Variants in MTRES1 observed in about 807,000 individuals in gnomAD.
MTRES1 encodes mitochondrial transcription rescue factor 1, also known as uncharacterized protein C6orf203.
A neutral mutation model predicts 17.4 loss-of-function variants in MTRES1; 11 were observed. That is an observed-to-expected ratio of 0.63 (90% CI 0.40 to 1.05). The LOEUF is 1.05. Among genes scored for constraint, MTRES1 ranks in the 50% least tolerant of loss-of-function variants. The pLI is 0.00. For missense variants in MTRES1, 268 were observed against 276.2 expected (o/e 0.97, Z 0.21); for synonymous variants, 94 against 99.6 (o/e 0.94, Z 0.34).
intron 1 of MTRES1, among the ~76,000 whole-genome samples, chr6:107,034,373 T>C (rs1773937742): frequency 6.6e-6 from 1 of 152,114 alleles, no homozygotes; most frequent in Admixed American, 6.6e-5. Flanking sequence ...ATTTTCTAAG[T>C]TGGGGCAACA....
intron 3 of MTRES1, among the ~76,000 whole-genome samples, chr6:107,050,693 C>T (rs1218317362): frequency 6.6e-6 from 1 of 151,892 alleles, no homozygotes; most frequent in African/African-American, 2.4e-5. Context: ...TCTCCTGCCA[C>T]AGCCTTCCGA....
intron 1 of MTRES1, among the ~76,000 whole-genome samples, chr6:107,034,697 C>G (rs1773950709): frequency 6.6e-6 from 1 of 152,170 alleles, no homozygotes; most frequent in Admixed American, 6.6e-5. Context: ...TTTAAGGAGA[C>G]TTGACCTTGG....
Position 107,039,874 on chromosome 6 carries a change from C to A in MTRES1, c.114C>A (p.Ser38=). 2 of 1,614,146 alleles carry A rather than the reference C, an allele frequency of 1.2e-6. No homozygotes were observed. The highest frequency in any genetic ancestry group is 1.7e-6 in the Non-Finnish European group (2 of 1,180,024). Residue 38 remains serine (S), a synonymous_variant, in exon 2 of 4, where the codon TCC becomes TCA. Coordinates refer to ENST00000311381, the MANE Select transcript of MTRES1 (RefSeq NM_016487.5). ...GTPSSYKLCT[S]WNRYLYFSST... ...CTTCATCATACAAACTCTGTACTTC[C>A]TGGAATCGATACTTGTATTTTTCTA...
chr6:107,039,846 C>T lies in MTRES1; in HGVS notation c.86C>T (p.Thr29Ile), dbSNP rs1554227396. The part of the protein sequence containing the change: ...WIGLWGVLRG[T>I]PSSYKLCTSW... Reference sequence around the variant, plus strand: ...GGACTCTGGGGTGTTCTCCGAGGGACACCTTCATCATACAAACTCTGTACT... The same window carrying T: ...GGACTCTGGGGTGTTCTCCGAGGGATACCTTCATCATACAAACTCTGTACT... Residue 29 changes from threonine (T) to isoleucine (I), a missense_variant, in exon 2 of 4, where the codon ACA becomes ATA. Thr to Ile is a moderately conservative substitution (Grantham distance 89, BLOSUM62 -1). Coordinates refer to ENST00000311381, the MANE Select transcript of MTRES1 (RefSeq NM_016487.5). The T allele has an allele frequency of 1.9e-6, 3 of 1,614,114 alleles. No individual in the cohort carries two copies. In the Admixed American group the frequency reaches 5.0e-5, roughly 27 times the overall value.
intron 1 of MTRES1, among the ~76,000 whole-genome samples, chr6:107,036,495 G>A (rs1416659446): frequency 5.9e-5 from 9 of 151,680 alleles, no homozygotes; most frequent in South Asian, 2.1e-4. Flanking sequence ...AGCCGAGATC[G>A]AGCCGTTTCA....
rs1368377506 is a variant in MTRES1 at position 107,044,303 on chromosome 6, G to C, written c.514G>C (p.Glu172Gln). 1 of 1,613,800 alleles carries C rather than the reference G, an allele frequency of 6.2e-7. No individual in the cohort carries two copies. Among genetic ancestry groups the C allele is most frequent in the Non-Finnish European group, 8.5e-7 (1 of 1,179,884 alleles). The change falls in exon 3 of 4, where the codon GAG becomes CAG. Residue 172 changes from glutamate (E) to glutamine (Q), a missense_variant. Physicochemically the swap from Glu to Gln is conservative, Grantham distance 29. Coordinates refer to ENST00000311381, the MANE Select transcript of MTRES1 (RefSeq NM_016487.5). Reference sequence around the variant, plus strand: ...CTACAAAGGTGAACTCAGGCTGAATGAGGAAAAATTATGGAAGAAAAGCAG... The same window carrying C: ...CTACAAAGGTGAACTCAGGCTGAATCAGGAAAAATTATGGAAGAAAAGCAG... ...AFYKGELRLN[E>Q]EKLWKKSRTV...
chr6:107,045,355 G>C (rs1384618077), intron 3 of MTRES1, among the ~76,000 whole-genome samples: 6 of 151,894 alleles, frequency 4.0e-5, no homozygotes, highest in African/African-American at 1.5e-4. Context: ...GTGGTGGTGG[G>C]CGCCTGTAGT....
At chr6:107,030,880 T>G (rs1172296435) in intron 1 of MTRES1, among the ~76,000 whole-genome samples, 1 of 151,996 alleles carries the variant, frequency 6.6e-6, no homozygotes, top group Non-Finnish European at 1.5e-5. Context: ...GATGTACGAG[T>G]CTGGAATTTG....
At chr6:107,040,373 T>C in intron 2 of MTRES1, 143 bp downstream of exon 2, 1 of 640,856 alleles carries the variant, frequency 1.6e-6, no homozygotes, top group Non-Finnish European at 2.4e-6. Flanking sequence ...AATTATTTCA[T>C]TTTATAGATG....
chr6:107,038,870 C>G (rs536528662), intron 1 of MTRES1, among the ~76,000 whole-genome samples: 1 of 152,126 alleles, frequency 6.6e-6, no homozygotes, highest in African/African-American at 2.4e-5. Context: ...GCCTGACCAC[C>G]GTGTAGAAAC....
At chr6:107,043,659 C>T (rs782306760) in intron 2 of MTRES1, among the ~76,000 whole-genome samples, 5 of 152,072 alleles carry the variant, frequency 3.3e-5, no homozygotes, top group Non-Finnish European at 5.9e-5. Context: ...AGGTCTTCAT[C>T]CTGGCTGAGG....
intron 1 of MTRES1, among the ~76,000 whole-genome samples, chr6:107,037,384 T>A (rs1774047740): frequency 6.6e-6 from 1 of 152,124 alleles, no homozygotes; most frequent in Admixed American, 6.6e-5. Context: ...CTAATTTTCG[T>A]ACTAAAAGTA....
rs781911823 is a variant in MTRES1, at chr6:107,039,946, T to C, written c.186T>C (p.Ile62=). ...APNYKTLFYN[I]FSLRLPGLLL... ...ATTATAAAACACTTTTTTATAATAT[T>C]TTCTCACTGAGACTCCCAGGGCTTT... The change falls in exon 2 of 4, where the codon ATT becomes ATC. Residue 62 remains isoleucine (I), a synonymous_variant. Transcript: ENST00000311381. The C allele has an allele frequency of 6.2e-7, 1 of 1,613,890 alleles. No homozygotes were observed. Among genetic ancestry groups the C allele is most frequent in the East Asian group, 2.2e-5 (1 of 44,882 alleles).
intron 3 of MTRES1, among the ~76,000 whole-genome samples, chr6:107,047,567 T>A (rs1489968897): frequency 1.3e-5 from 2 of 152,074 alleles, no homozygotes; most frequent in African/African-American, 4.8e-5. Context: ...AAATTTTGTA[T>A]CATATGCATA....
At chr6:107,036,211 A>G (rs578233670) in intron 1 of MTRES1, among the ~76,000 whole-genome samples, 1 of 152,258 alleles carries the variant, frequency 6.6e-6, no homozygotes, top group South Asian at 2.1e-4. Context: ...AAATGACAAT[A>G]GTTGATTTCT....
At chr6:107,033,144 T>C (rs149216778) in intron 1 of MTRES1, among the ~76,000 whole-genome samples, 1 of 152,322 alleles carries the variant, frequency 6.6e-6, no homozygotes, top group East Asian at 1.9e-4. Context: ...TCACTGGTTT[T>C]GGTATGTCCT....
chr6:107,029,951 C>G, intron 1 of MTRES1: 2 of 645,620 alleles, frequency 3.1e-6, no homozygotes, highest in Non-Finnish European at 5.6e-6. Flanking sequence ...CTTTCTTCCC[C>G]CAGTGCATTA....
chr6:107,049,153 G>A (rs1774501679), intron 3 of MTRES1, among the ~76,000 whole-genome samples: 2 of 152,154 alleles, frequency 1.3e-5, no homozygotes, highest in South Asian at 4.1e-4. Context: ...AGAGTCTGAA[G>A]TTGTATCTGC....
intron 1 of MTRES1, chr6:107,030,219 T>A (rs1773790484): frequency 1.4e-6 from 1 of 715,120 alleles, no homozygotes. Flanking sequence ...CACCAGATCC[T>A]ATAGAGCCTT....
Sources: allele counts gnomAD v4.1 joint callset (sites outside exome capture counted in the v4.1 genomes callset), GRCh38; gene constraint gnomAD v4.1.1; transcripts MANE v1.5; gene names NCBI Gene and HGNC (gene_info 2026-07-23, HGNC 2026-07-21).